The following ZNF704 variants were observed in gnomAD, a reference collection of about 807,000 sequenced individuals.
ZNF704 encodes the protein zinc finger protein 704.
Under a neutral mutation model 44.7 loss-of-function variants are expected in ZNF704, and 10 were observed. The ratio of observed to expected loss-of-function variants is 0.22; its 90% confidence interval spans 0.14 to 0.38. ZNF704 has a LOEUF of 0.38. Among genes scored for constraint, ZNF704 ranks in the 10% least tolerant of loss-of-function variants. ZNF704 has a pLI of 1.00. For missense variants in ZNF704, 390 were observed against 545.5 expected (o/e 0.71, Z 2.84); for synonymous variants, 211 against 207.6 (o/e 1.02, Z -0.14).
At chr8:80,677,240 T>C (rs1360687400) in intron 4 of ZNF704, among the ~76,000 whole-genome samples, 1 of 152,200 alleles carries the variant, frequency 6.6e-6, no homozygotes, top group Non-Finnish European at 1.5e-5. Context: ...TGTTTTAGGA[T>C]ATGATAATCA....
At chr8:80,646,364 A>C (rs534465267) in intron 7 of ZNF704, among the ~76,000 whole-genome samples, 1 of 152,132 alleles carries the variant, frequency 6.6e-6, no homozygotes, top group South Asian at 2.1e-4. Flanking sequence ...CTAAAGTCCC[A>C]GCTACTCAGC....
intron 2 of ZNF704, among the ~76,000 whole-genome samples, chr8:80,701,097 G>T (rs1427860030): frequency 6.6e-6 from 1 of 152,060 alleles, no homozygotes; most frequent in Non-Finnish European, 1.5e-5. Context: ...CCCTGGCCTT[G>T]CTAGCCTTCT....
chr8:80,673,789 A>G (rs1051938130), intron 4 of ZNF704, among the ~76,000 whole-genome samples: 3 of 152,224 alleles, frequency 2.0e-5, no homozygotes, highest in African/African-American at 4.8e-5. Context: ...AAGCATGGCA[A>G]GCAGAGGACA....
At chr8:80,786,683 G>A (rs1807619592) in intron 2 of ZNF704, among the ~76,000 whole-genome samples, 1 of 152,162 alleles carries the variant, frequency 6.6e-6, no homozygotes, top group Admixed American at 6.6e-5. Context: ...GAAAAGTCAT[G>A]AACTCTGTAT....
chr8:80,684,333 T>C lies in ZNF704; in HGVS notation c.558+2893A>G, dbSNP rs118153250. On this transcript the variant is annotated intron_variant, in intron 4 of 8. Transcript: ENST00000327835. Reference sequence around the variant, plus strand: ...CACATATGTATACACTGAAACAAAATTGTCAAGAAACAATACTTATCCTTA... The same window carrying C: ...CACATATGTATACACTGAAACAAAACTGTCAAGAAACAATACTTATCCTTA... 1.9e-3 allele frequency among the ~76,000 whole-genome samples: 288 copies of C among 152,320 alleles called. 9 individuals carry two copies. In the East Asian group the frequency reaches 0.045, roughly 24 times the overall value.
intron 2 of ZNF704, among the ~76,000 whole-genome samples, chr8:80,715,301 G>C (rs920214141): frequency 1.1e-4 from 16 of 152,162 alleles, no homozygotes; most frequent in African/African-American, 3.9e-4. Flanking sequence ...TGTATTTGCT[G>C]CTTCCCAAAG....
rs190330702 is a variant in ZNF704 at position 80,742,688 on chromosome 8, C to T, written c.222-49581G>A. On this transcript the variant is annotated intron_variant, in intron 2 of 8. Coordinates refer to ENST00000327835, the MANE Select transcript of ZNF704 (RefSeq NM_001033723.3). ...GATGCAGTCCATGACTAAGATCTAC[C>T]GAGGACCCCTGGACCAGCCTGCTAG... Among the ~76,000 whole-genome samples, 482 of 152,194 alleles carry T rather than the reference C, an allele frequency of 3.2e-3. 6 individuals carry two copies. The highest frequency in any genetic ancestry group is 0.011 in the African/African-American group (469 of 41,522).
chr8:80,667,077 C>T (rs1327184430), intron 5 of ZNF704, among the ~76,000 whole-genome samples: 1 of 152,112 alleles, frequency 6.6e-6, no homozygotes, highest in African/African-American at 2.4e-5. Flanking sequence ...GAGGGAGACA[C>T]CATGCTGGCA....
At chr8:80,666,739 GT>G (rs1818200711) in intron 5 of ZNF704, among the ~76,000 whole-genome samples, 1 of 150,674 alleles carries the variant, frequency 6.6e-6, no homozygotes, top group Admixed American at 6.6e-5. Flanking sequence ...TTTTTCATGT[GT>G]TTTTTGGCTG....
At chr8:80,869,998 G>A (rs925867110) in intron 1 of ZNF704, among the ~76,000 whole-genome samples, 5 of 152,148 alleles carry the variant, frequency 3.3e-5, no homozygotes, top group African/African-American at 9.7e-5. Context: ...ACAGATGCAA[G>A]GGAATGAATT....
At chr8:80,732,416 T>A (rs775373226) in intron 2 of ZNF704, among the ~76,000 whole-genome samples, 5 of 152,234 alleles carry the variant, frequency 3.3e-5, no homozygotes, top group Non-Finnish European at 7.3e-5. Context: ...AGTGTGCCAC[T>A]TTTGAGGCTT....
At chr8:80,733,374 T>C (rs1025307626) in intron 2 of ZNF704, among the ~76,000 whole-genome samples, 9 of 152,208 alleles carry the variant, frequency 5.9e-5, no homozygotes, top group African/African-American at 2.2e-4. Flanking sequence ...TTATATAAAA[T>C]CTGTAGAAAT....
At chr8:80,706,070 C>T (rs1188871329) in intron 2 of ZNF704, among the ~76,000 whole-genome samples, 1 of 152,172 alleles carries the variant, frequency 6.6e-6, no homozygotes, top group Non-Finnish European at 1.5e-5. Flanking sequence ...GGTTAACGAT[C>T]CGCCTGGTAA....
chr8:80,868,748 A>AT (rs1351983210), intron 1 of ZNF704, among the ~76,000 whole-genome samples: 5 of 152,028 alleles, frequency 3.3e-5, no homozygotes, highest in African/African-American at 1.2e-4. Flanking sequence ...TCTTTTATTG[A>AT]TTTTTTTGGC....
At chr8:80,812,908 G>A (rs921074860) in intron 2 of ZNF704, among the ~76,000 whole-genome samples, 22 of 152,058 alleles carry the variant, frequency 1.4e-4, no homozygotes, top group African/African-American at 5.1e-4. Context: ...TAATGACAAG[G>A]GGAGATGAAG....
chr8:80,781,942 A>G (rs1807530515), intron 2 of ZNF704, among the ~76,000 whole-genome samples: 1 of 152,206 alleles, frequency 6.6e-6, no homozygotes, highest in Admixed American at 6.5e-5. Flanking sequence ...AATTCACTCT[A>G]ATGTATAGGA....
chr8:80,846,277 A>T (rs1330135458), intron 1 of ZNF704, among the ~76,000 whole-genome samples: 2 of 152,144 alleles, frequency 1.3e-5, no homozygotes, highest in Non-Finnish European at 2.9e-5. Flanking sequence ...GGTTTCCAGC[A>T]GCAACTATTC....
intron 2 of ZNF704, among the ~76,000 whole-genome samples, chr8:80,736,312 G>A (rs1040356208): frequency 8.5e-5 from 13 of 152,250 alleles, no homozygotes; most frequent in African/African-American, 2.6e-4. Context: ...ACGCAGTCTC[G>A]CTCTATCACC....
chr8:80,720,844 G>A (rs1819154216), intron 2 of ZNF704, among the ~76,000 whole-genome samples: 1 of 152,216 alleles, frequency 6.6e-6, no homozygotes, highest in Admixed American at 6.5e-5. Flanking sequence ...ACCAATCTCA[G>A]TCATGCAGCC....
Sources: gnomAD v4.1 joint callset for allele counts (sites outside exome capture counted in the v4.1 genomes callset) on GRCh38, gnomAD v4.1.1 for gene constraint, MANE v1.5 for transcripts, NCBI Gene and HGNC (gene_info 2026-07-23, HGNC 2026-07-21) for gene names.